RAB6B: variants seen among roughly 807,000 people sequenced by gnomAD.
RAB6B encodes RAB6B, member RAS oncogene family.
Under a neutral mutation model 31.2 loss-of-function variants are expected in RAB6B, and 7 were observed. The observed-to-expected ratio is 0.22, with a 90% CI of 0.13 to 0.42. The LOEUF is 0.42. Among genes scored for constraint, RAB6B ranks in the 10% least tolerant of loss-of-function variants. RAB6B has a pLI of 1.00. For synonymous variants in RAB6B, 105 were observed against 104.9 expected (o/e 1.00, Z -0.01); for missense variants, 149 against 280.6 (o/e 0.53, Z 3.35).
intron 1 of RAB6B, chr3:133,894,326 T>G (rs1439565527): frequency 6.6e-6 from 1 of 152,330 alleles, no homozygotes; most frequent in East Asian, 1.9e-4. Context: ...TGAAAGCCAC[T>G]CCTTCCTACA....
At chr3:133,875,373 G>A (rs182758547) in intron 1 of RAB6B, among the ~76,000 whole-genome samples, 1 of 152,256 alleles carries the variant, frequency 6.6e-6, no homozygotes, top group Non-Finnish European at 1.5e-5. Context: ...TAAAAAAGTA[G>A]AACACATACA....
chr3:133,890,946 T>C (rs1256161010), intron 1 of RAB6B, among the ~76,000 whole-genome samples: 1 of 152,236 alleles, frequency 6.6e-6, no homozygotes, highest in Non-Finnish European at 1.5e-5. Context: ...AGCTATGCCA[T>C]GGTGTGTGGC....
At chr3:133,869,344 T>C (rs1320353772) in intron 1 of RAB6B, among the ~76,000 whole-genome samples, 1 of 152,056 alleles carries the variant, frequency 6.6e-6, no homozygotes, top group Non-Finnish European at 1.5e-5. Context: ...GTCAGGTTGA[T>C]TTAAGCCAAA....
intron 7 of RAB6B, among the ~76,000 whole-genome samples, chr3:133,830,267 C>T (rs891901380): frequency 6.6e-6 from 1 of 152,234 alleles, no homozygotes; most frequent in African/African-American, 2.4e-5. Context: ...GCCCAGCCAG[C>T]TCTCTCTCAG....
intron 1 of RAB6B, among the ~76,000 whole-genome samples, chr3:133,869,955 T>G (rs1044405445): frequency 2.0e-5 from 3 of 152,228 alleles, no homozygotes; most frequent in African/African-American, 7.2e-5. Flanking sequence ...GTAAATATTT[T>G]TATTGTCTTG....
chr3:133,894,617 A>G (rs1936681918), intron 1 of RAB6B: 1 of 151,178 alleles, frequency 6.6e-6, no homozygotes, highest in Non-Finnish European at 1.5e-5. Context: ...CAGACTTCAC[A>G]GCCTCTCGGT....
chr3:133,895,761 C>T lies in RAB6B; in HGVS notation c.-295G>A, dbSNP rs117518401. The T allele has an allele frequency of 0.13, 54,690 of 405,620 alleles. 4,456 individuals are homozygous for T. Among genetic ancestry groups the T allele is most frequent in the East Asian group, 0.26 (6,371 of 24,290 alleles). 25.1% of individuals were successfully genotyped at this position (405,620 alleles called of 1,614,324 possible). A position where few individuals can be genotyped will look rare whatever the true frequency, so the allele number is the denominator to read the frequency against. ...CGCTCTTTACGCCCGAGGCGCGGCGCTGGGAGAGAGGCGCGGGCGGAGCGG... is the reference window on the plus strand; with the variant it reads ...CGCTCTTTACGCCCGAGGCGCGGCGTTGGGAGAGAGGCGCGGGCGGAGCGG... On this transcript the variant is annotated 5_prime_UTR_variant, in exon 1 of 8. Transcript: ENST00000285208.
At chr3:133,886,308 C>T (rs1936546648) in intron 1 of RAB6B, among the ~76,000 whole-genome samples, 1 of 152,252 alleles carries the variant, frequency 6.6e-6, no homozygotes, top group African/African-American at 2.4e-5. Flanking sequence ...GTATGTAATA[C>T]TAATCTTAAT....
Position 133,860,357 on chromosome 3 carries a change from G to A in RAB6B, c.129+4227C>T, listed in dbSNP as rs563883118. 8.5e-5 allele frequency among the ~76,000 whole-genome samples: 13 copies of A among 152,270 alleles called. No homozygotes were observed. The South Asian group carries it at 2.7e-3, about 32-fold the overall frequency. On this transcript the variant is annotated intron_variant, in intron 2 of 7. Transcript: ENST00000285208. The stretch of plus-strand genomic sequence containing the variant: ...GACAGGAGGCCTGCTGAAGACAGAG[G>A]CGGAGAGTGGAGTGATACAGCCACT...
At chr3:133,861,453 G>C (rs1384892621) in intron 2 of RAB6B, among the ~76,000 whole-genome samples, 1 of 152,186 alleles carries the variant, frequency 6.6e-6, no homozygotes, top group Non-Finnish European at 1.5e-5. Context: ...GGGCCTACCA[G>C]GTGGACAAAA....
In RAB6B at chr3:133,828,866, G is replaced by C; in HGVS notation, c.563-14C>G. The C allele has an allele frequency of 1.2e-6, 2 of 1,602,272 alleles. No homozygotes were observed. The highest frequency in any genetic ancestry group is 4.5e-5 in the East Asian group (2 of 44,704). ...TGATGTCGATCACTGCAGGGGGACG[G>C]GCTAAGGAAGATGACTCTCCTGGAC... is the stretch of plus-strand genomic sequence containing the variant. On this transcript the variant is annotated splice_polypyrimidine_tract_variant and intron_variant, in intron 7 of 7. Transcript: ENST00000285208.
chr3:133,844,049 T>C (rs1378502592), intron 2 of RAB6B, among the ~76,000 whole-genome samples: 1 of 152,192 alleles, frequency 6.6e-6, no homozygotes. Context: ...CTGATGGTAA[T>C]GCTACTGATA....
At chr3:133,884,845 GGCTC>G (rs1936518321) in intron 1 of RAB6B, among the ~76,000 whole-genome samples, 3 of 129,448 alleles carry the variant, frequency 2.3e-5, no homozygotes, top group Admixed American at 8.5e-5. Context: ...GAGGATGGGG[GGCTC>G]ACACACCAAT....
chr3:133,872,923 G>C (rs971954074), intron 1 of RAB6B, among the ~76,000 whole-genome samples: 20 of 152,226 alleles, frequency 1.3e-4, no homozygotes, highest in African/African-American at 4.1e-4. Context: ...GGAGTCAAAA[G>C]AAGGTGAGGG....
At chr3:133,871,294 T>C (rs1936320249) in intron 1 of RAB6B, among the ~76,000 whole-genome samples, 2 of 152,168 alleles carry the variant, frequency 1.3e-5, no homozygotes, top group African/African-American at 4.8e-5. Context: ...GAGAGGCCCA[T>C]GCAAGGAAAG....
At chr3:133,843,608 C>T (rs939294611) in intron 2 of RAB6B, among the ~76,000 whole-genome samples, 2 of 152,328 alleles carry the variant, frequency 1.3e-5, no homozygotes, top group South Asian at 4.1e-4. Context: ...TGCTGGTTGT[C>T]CCCAGTATGT....
intron 1 of RAB6B, among the ~76,000 whole-genome samples, chr3:133,874,297 G>A (rs533775370): frequency 6.6e-6 from 1 of 152,328 alleles, no homozygotes; most frequent in East Asian, 1.9e-4. Context: ...ACATCATAAA[G>A]TATGCTTCCC....
At position 133,834,578 on chromosome 3, in the gene RAB6B, C is replaced by T. The variant is rs2107987217; in HGVS notation, c.559G>A (p.Gly187Arg). 2 of 1,612,432 alleles carry T rather than the reference C, an allele frequency of 1.2e-6. No individual in the cohort carries two copies. Among genetic ancestry groups the T allele is most frequent in the Non-Finnish European group, 1.7e-6 (2 of 1,178,408 alleles). Residue 187 changes from glycine to arginine, a missense_variant, in exon 7 of 8, where the codon GGG becomes AGG. Coordinates refer to ENST00000285208, the MANE Select transcript of RAB6B (RefSeq NM_016577.4). The part of the protein sequence containing the change: ...MENVQEKSKE[G>R]MIDIKLDKPQ... ...ACTTGTCAAAGGAAAAGGATACTCCCTTCTTTGCTTTTCTCCTGGACATTC... is the reference window on the plus strand; with the variant it reads ...ACTTGTCAAAGGAAAAGGATACTCCTTTCTTTGCTTTTCTCCTGGACATTC...
intron 2 of RAB6B, among the ~76,000 whole-genome samples, chr3:133,860,763 G>A (rs748777235): frequency 1.3e-5 from 2 of 152,220 alleles, no homozygotes; most frequent in African/African-American, 2.4e-5. Flanking sequence ...GTGTCCTCCT[G>A]AGAGCAGCTG....
Sources: allele counts gnomAD v4.1 joint callset (sites outside exome capture counted in the v4.1 genomes callset), GRCh38; gene constraint gnomAD v4.1.1; transcripts MANE v1.5; gene names NCBI Gene and HGNC (gene_info 2026-07-23, HGNC 2026-07-21).